Variants in ARHGEF3 observed in about 807,000 individuals in gnomAD.
ARHGEF3 encodes the protein Rho guanine nucleotide exchange factor 3.
In ARHGEF3, 28 loss-of-function variants were observed where a neutral mutation model predicts 63.2. The observed-to-expected ratio is 0.44, with a 90% confidence interval of 0.33 to 0.61. ARHGEF3 has a LOEUF of 0.61. ARHGEF3 is among the 20% of genes least tolerant of loss of function. The pLI, the probability that ARHGEF3 is intolerant of heterozygous loss-of-function variation, is 0.03. For synonymous variants in ARHGEF3, 266 were observed against 254.2 expected (o/e 1.05, Z -0.44); for missense variants, 533 against 659.3 (o/e 0.81, Z 2.10).
chr3:56,868,507 C>T (rs950005373), intron 4 of ARHGEF3, among the ~76,000 whole-genome samples: 1 of 151,894 alleles, frequency 6.6e-6, no homozygotes, highest in Non-Finnish European at 1.5e-5. Flanking sequence ...GGAGTACAGG[C>T]GTGTGCCACC....
intron 7 of ARHGEF3, among the ~76,000 whole-genome samples, chr3:56,737,665 T>C (rs182600593): frequency 2.0e-5 from 3 of 152,332 alleles, no homozygotes; most frequent in African/African-American, 7.2e-5. Flanking sequence ...CCAGGCTGCA[T>C]ATTTCTTAAA....
At chr3:57,036,035 G>A (rs1242946715) in intron 1 of ARHGEF3, among the ~76,000 whole-genome samples, 1 of 152,158 alleles carries the variant, frequency 6.6e-6, no homozygotes, top group African/African-American at 2.4e-5. Context: ...AGGTGGGTTT[G>A]GTTATTTGGA....
intron 1 of ARHGEF3, among the ~76,000 whole-genome samples, chr3:57,050,034 C>G (rs1704608062): frequency 6.6e-6 from 1 of 152,142 alleles, no homozygotes; most frequent in Non-Finnish European, 1.5e-5. Context: ...CTCAGAACAC[C>G]CTTATCCACC....
At chr3:56,775,799 A>C in intron 1 of ARHGEF3, 10 of 281,294 alleles carry the variant, frequency 3.6e-5, no homozygotes, top group Non-Finnish European at 4.6e-5. Flanking sequence ...CACACGCGCA[A>C]GCACACACAC....
intron 1 of ARHGEF3, among the ~76,000 whole-genome samples, chr3:57,069,722 G>A (rs1705777798): frequency 6.6e-6 from 1 of 152,064 alleles, no homozygotes; most frequent in Non-Finnish European, 1.5e-5. Flanking sequence ...ACAGCTCATT[G>A]CAGCGTCAAA....
intron 4 of ARHGEF3, among the ~76,000 whole-genome samples, chr3:56,826,716 T>C (rs965306511): frequency 6.6e-6 from 1 of 152,192 alleles, no homozygotes; most frequent in African/African-American, 2.4e-5. Context: ...TTTTACACTT[T>C]ACCAGCTCAG....
chr3:56,754,010 A>G (rs918828087), intron 3 of ARHGEF3, among the ~76,000 whole-genome samples: 1 of 152,204 alleles, frequency 6.6e-6, no homozygotes, highest in Non-Finnish European at 1.5e-5. Flanking sequence ...ACAGAAGGCG[A>G]ATCTCAGCAG....
intron 2 of ARHGEF3, among the ~76,000 whole-genome samples, chr3:56,994,350 G>T (rs114982424): frequency 6.6e-6 from 1 of 152,154 alleles, no homozygotes; most frequent in African/African-American, 2.4e-5. Context: ...GGGCTCATGT[G>T]CATCAGGCAC....
intron 2 of ARHGEF3, among the ~76,000 whole-genome samples, chr3:56,992,696 T>A (rs1186051173): frequency 6.6e-6 from 1 of 152,208 alleles, no homozygotes; most frequent in African/African-American, 2.4e-5. Context: ...TCTGTGAACA[T>A]GAGCTGCTCA....
intron 3 of ARHGEF3, among the ~76,000 whole-genome samples, chr3:56,934,410 T>C (rs527707644): frequency 4.3e-4 from 65 of 152,340 alleles, no homozygotes; most frequent in Non-Finnish European, 6.5e-4. Flanking sequence ...TGGGAGCCCC[T>C]TTCTGGGCTG....
chr3:57,007,519 CAG>C (rs1450099216), intron 2 of ARHGEF3, among the ~76,000 whole-genome samples: 1 of 152,136 alleles, frequency 6.6e-6, no homozygotes, highest in Non-Finnish European at 1.5e-5. Context: ...GGGTTGCTCA[CAG>C]GGGATGGATG....
intron 6 of ARHGEF3, 21 bp from the exon 7 acceptor site, chr3:56,745,483 G>A: frequency 6.2e-7 from 1 of 1,609,988 alleles, no homozygotes; most frequent in Non-Finnish European, 8.5e-7. Flanking sequence ...AACAGAAAGA[G>A]AAGGTTGGAA....
intron 1 of ARHGEF3, among the ~76,000 whole-genome samples, chr3:57,044,514 G>A (rs1423221328): frequency 1.3e-5 from 2 of 152,186 alleles, no homozygotes; most frequent in Non-Finnish European, 2.9e-5. Context: ...TGACAGCATC[G>A]TACTTGCTCC....
At chr3:57,040,296 T>C (rs2107251729) in intron 1 of ARHGEF3, among the ~76,000 whole-genome samples, 1 of 151,560 alleles carries the variant, frequency 6.6e-6, no homozygotes, top group Non-Finnish European at 1.5e-5. Context: ...GCTAACATGG[T>C]GAAACCCCAT....
At chr3:56,819,371 T>A (rs2038383827) in intron 4 of ARHGEF3, among the ~76,000 whole-genome samples, 1 of 152,224 alleles carries the variant, frequency 6.6e-6, no homozygotes, top group Admixed American at 6.5e-5. Flanking sequence ...AAAATACCAT[T>A]CATTATTCAA....
chr3:56,779,486 ATT>A (rs397712262), intron 1 of ARHGEF3, among the ~76,000 whole-genome samples: 1 of 149,802 alleles, frequency 6.7e-6, no homozygotes, highest in African/African-American at 2.4e-5. Flanking sequence ...GTTTTTTTTT[ATT>A]TTTTTTTTTT....
rs560628256 is a variant in ARHGEF3, at chr3:56,896,477, C to CT, written c.130-14124dup. Among the ~76,000 whole-genome samples the CT allele has an allele frequency of 5.2e-3, 793 of 152,294 alleles. 4 individuals carry two copies. Among genetic ancestry groups the CT allele is most frequent in the Non-Finnish European group, 9.0e-3 (613 of 68,026 alleles). The stretch of plus-strand genomic sequence containing the variant: ...ACAAAATGTATCAACTCGTTCACCA[C>CT]TTTTTTTAAAAAGGTGCCAACTATT... On this transcript the variant is annotated intron_variant, in intron 3 of 12. Transcript: ENST00000338458.
At chr3:56,859,389 T>A (rs2039992119) in intron 4 of ARHGEF3, among the ~76,000 whole-genome samples, 2 of 151,978 alleles carry the variant, frequency 1.3e-5, no homozygotes, top group South Asian at 4.2e-4. Context: ...TCCGCCTACC[T>A]CGGCCTCCCA....
Position 57,002,510 on chromosome 3 carries a change from A to ATGT in ARHGEF3, c.62+32577_62+32578insACA, listed in dbSNP as rs1560123114. The stretch of plus-strand genomic sequence containing the variant: ...ATATATATATATGTTATATATATAT[A>ATGT]TATGTTATATATGTATGTTATATAT... On this transcript the variant is annotated intron_variant, in intron 2 of 12. Coordinates refer to the ARHGEF3 transcript ENST00000338458. Among the ~76,000 whole-genome samples, 34 of 97,006 alleles carry ATGT rather than the reference A, an allele frequency of 3.5e-4. 1 individual carries two copies. Among genetic ancestry groups the ATGT allele is most frequent in the African/African-American group, 1.2e-3 (33 of 26,526 alleles). 63.6% of individuals were successfully genotyped at this position (97,006 alleles called of 152,430 possible). A position where few individuals can be genotyped will look rare whatever the true frequency, so the allele number is the denominator to read the frequency against.
Sources: gnomAD v4.1 joint callset for allele counts (sites outside exome capture counted in the v4.1 genomes callset) on GRCh38, gnomAD v4.1.1 for gene constraint, MANE v1.5 for transcripts, NCBI Gene and HGNC (gene_info 2026-07-23, HGNC 2026-07-21) for gene names.